Variants in UPF2 observed in about 807,000 individuals in gnomAD.
The protein encoded by UPF2 is regulator of nonsense transcripts 2.
Under a neutral mutation model 141.4 loss-of-function variants are expected in UPF2, and 17 were observed. The observed-to-expected ratio is 0.12, with a 90% CI of 0.08 to 0.18. The LOEUF (loss-of-function observed/expected upper bound fraction) is 0.18, where lower values mean the gene tolerates loss of function less well. Among genes scored for constraint, UPF2 ranks in the 10% least tolerant of loss-of-function variants. The pLI is 1.00. For synonymous variants in UPF2, 540 were observed against 498.0 expected (o/e 1.08, Z -1.12); for missense variants, 1,152 against 1,515.9 (o/e 0.76, Z 3.99).
chr10:12,038,106 G>A (rs1278148579), intron 1 of UPF2, among the ~76,000 whole-genome samples: 1 of 152,140 alleles, frequency 6.6e-6, no homozygotes, highest in Non-Finnish European at 1.5e-5. Flanking sequence ...TTAGGGGCTG[G>A]GTGCGGTGGC....
At chr10:11,985,579 C>CCACTGCACTCCAGCCTGGGCGA (rs1833675336) in intron 8 of UPF2, among the ~76,000 whole-genome samples, 2 of 149,998 alleles carry the variant, frequency 1.3e-5, no homozygotes, top group Non-Finnish European at 1.5e-5. Flanking sequence ...GGAGCTTGCG[C>CCACTGCACTCCAGCCTGGGCGA]CACTGCACTC....
rs145187944 is a variant in UPF2, at chr10:12,004,697, G to A, written c.1337C>T (p.Pro446Leu). ...CAAGTCATATTCTCCAGGTTTACCA[G>A]GTGTGAATATATCAATTCCAGGCCC... The part of the protein sequence containing the change: ...EHGPGIDIFT[P>L]GKPGEYDLEG... The change falls in exon 5 of 22, where the codon CCT becomes CTT. Residue 446 changes from proline (P) to leucine (L), a missense_variant. Physicochemically the swap from Pro to Leu is moderately conservative, Grantham distance 98. Transcript: ENST00000357604. 14 of 1,613,410 alleles carry A rather than the reference G, an allele frequency of 8.7e-6. No individual in the cohort carries two copies. Among genetic ancestry groups the A allele is most frequent in the African/African-American group, 5.3e-5 (4 of 74,894 alleles).
At position 11,966,626 on chromosome 10, in the gene UPF2, G is replaced by T. The variant is rs1237809706; in HGVS notation, c.2067+715C>A. Among the ~76,000 whole-genome samples the T allele has an allele frequency of 2.0e-5, 3 of 152,262 alleles. No homozygotes were observed. In the East Asian group the frequency reaches 5.8e-4, roughly 29 times the overall value. On this transcript the variant is annotated intron_variant, in intron 10 of 21. Coordinates refer to ENST00000357604, the MANE Select transcript of UPF2 (RefSeq NM_015542.4). ...TTTAGTAGAGACGGGGTTTCTCCAT[G>T]TTGGTCAGGCTGGTCTCGAACTCCC...
chr10:11,982,901 T>C (rs1186526347), intron 8 of UPF2, among the ~76,000 whole-genome samples: 1 of 152,202 alleles, frequency 6.6e-6, no homozygotes, highest in Non-Finnish European at 1.5e-5. Context: ...ATTACAGACA[T>C]GAGCCACTGT....
At chr10:11,958,614 A>G (rs940810522) in intron 12 of UPF2, among the ~76,000 whole-genome samples, 2 of 152,218 alleles carry the variant, frequency 1.3e-5, no homozygotes, top group African/African-American at 2.4e-5. Context: ...TTCACCAAGA[A>G]ATGTTTTGTT....
chr10:11,922,499 G>A (rs963622123), intron 21 of UPF2, among the ~76,000 whole-genome samples: 2 of 152,192 alleles, frequency 1.3e-5, no homozygotes, highest in African/African-American at 2.4e-5. Context: ...TCAAGAAAAG[G>A]CAGCTATCTA....
At chr10:11,986,158 A>G (rs1216868360) in intron 8 of UPF2, among the ~76,000 whole-genome samples, 1 of 152,098 alleles carries the variant, frequency 6.6e-6, no homozygotes, top group Admixed American at 6.6e-5. Context: ...TGCTGGGATT[A>G]CAGGCGTGAA....
At chr10:11,945,921 T>C (rs1832994766) in intron 16 of UPF2, among the ~76,000 whole-genome samples, 1 of 152,166 alleles carries the variant, frequency 6.6e-6, no homozygotes, top group Admixed American at 6.5e-5. Flanking sequence ...ATGAGTCAAC[T>C]TGAATTCTAT....
intron 8 of UPF2, among the ~76,000 whole-genome samples, chr10:11,984,718 TAAA>T (rs34157281): frequency 3.1e-5 from 4 of 130,516 alleles, no homozygotes; most frequent in Non-Finnish European, 3.3e-5. Context: ...CTTTGCTCTT[TAAA>T]AAAAAAAAAA....
intron 8 of UPF2, among the ~76,000 whole-genome samples, chr10:11,991,956 G>GCCAACATGATGAAACCCTGTCTC (rs562151505): frequency 0.056 from 8,448 of 152,086 alleles, 288 homozygotes; most frequent in Non-Finnish European, 0.08. Flanking sequence ...GACCAGCCTG[G>GCCAACATGATGAAACCCTGTCTC]CCAACATGAT....
rs1273463343 is a variant in UPF2, at chr10:11,970,638, C to G, written c.1954-3184G>C. Among the ~76,000 whole-genome samples, 3 of 152,112 alleles carry G rather than the reference C, an allele frequency of 2.0e-5. No homozygotes were observed. The East Asian group carries it at 5.8e-4, about 29-fold the overall frequency. ...ACCAGCCTGGCCAACACGGTGAAAC[C>G]CTGTCTCTACTAAAAATACAAAAAT... On this transcript the variant is annotated intron_variant, in intron 9 of 21. Coordinates refer to ENST00000357604, the MANE Select transcript of UPF2 (RefSeq NM_015542.4).
At chr10:11,928,388 G>T in intron 21 of UPF2, among the ~76,000 whole-genome samples, 1 of 152,036 alleles carries the variant, frequency 6.6e-6, no homozygotes, top group East Asian at 1.9e-4. Flanking sequence ...TCATGTCCCA[G>T]AAACACTTTA....
chr10:11,921,212 G>C lies in UPF2; in HGVS notation c.*86C>G. ...TCTCTAGACCGACCTGCTGAGATGT[G>C]TCCACTGCTCTCATTCAATTGCTGG... is the stretch of plus-strand genomic sequence containing the variant. On this transcript the variant is annotated 3_prime_UTR_variant, in exon 22 of 22. Coordinates refer to ENST00000357604, the MANE Select transcript of UPF2 (RefSeq NM_015542.4). The surrounding 1 kb of genome is among the most constrained non-coding windows in gnomAD (Gnocchi z 5.9). The C allele has an allele frequency of 6.4e-7, 1 of 1,572,070 alleles. No individual in the cohort carries two copies. Among genetic ancestry groups the C allele is most frequent in the Non-Finnish European group, 8.8e-7 (1 of 1,141,778 alleles).
chr10:11,959,661 G>A lies in UPF2; in HGVS notation c.2185-305C>T, dbSNP rs1042841604. On this transcript the variant is annotated intron_variant, in intron 11 of 21. Coordinates refer to ENST00000357604, the MANE Select transcript of UPF2 (RefSeq NM_015542.4). This position sits in a 1 kb window ranked among gnomAD's most constrained non-coding sequence, Gnocchi z 5.9. ...TGTAGTCCCAGCTACTTGGGAGGTT[G>A]AGGTGGGTGGACAGCTTGAGCCCAG... Among the ~76,000 whole-genome samples the A allele has an allele frequency of 6.6e-6, 1 of 152,148 alleles. No individual in the cohort carries two copies. Among genetic ancestry groups the A allele is most frequent in the African/African-American group, 2.4e-5 (1 of 41,438 alleles).
In UPF2 at chr10:11,938,868, T is replaced by TTTTTTTTTTTTTTTTTTTTTTTTTTTTG. The variant is rs1832897282; in HGVS notation, c.3379-2157_3379-2156insCAAAAAAAAAAAAAAAAAAAAAAAAAAA. Among the ~76,000 whole-genome samples, 37 of 90,846 alleles carry TTTTTTTTTTTTTTTTTTTTTTTTTTTTG rather than the reference T, an allele frequency of 4.1e-4. 1 individual carries two copies. Among genetic ancestry groups the TTTTTTTTTTTTTTTTTTTTTTTTTTTTG allele is most frequent in the Non-Finnish European group, 6.7e-4 (28 of 41,878 alleles). The allele number at this position is 90,846 out of a possible 152,430, so 59.6% of individuals were successfully genotyped here. ...TTTTTTTTTTGTTTTTTTTTTTTTT[T>TTTTTTTTTTTTTTTTTTTTTTTTTTTTG]TTTTTTTTTTTTTTGGAGACGGAGT... On this transcript the variant is annotated intron_variant, in intron 18 of 21. Transcript: ENST00000357604.
intron 21 of UPF2, among the ~76,000 whole-genome samples, chr10:11,929,458 G>A (rs1268081341): frequency 6.6e-6 from 1 of 152,072 alleles, no homozygotes; most frequent in Non-Finnish European, 1.5e-5. Flanking sequence ...ACAATATGGC[G>A]AGACTCTGTC....
At chr10:11,961,705 G>A (rs958683411) in intron 11 of UPF2, among the ~76,000 whole-genome samples, 2 of 152,150 alleles carry the variant, frequency 1.3e-5, no homozygotes, top group Non-Finnish European at 2.9e-5. Context: ...TGTCACATAC[G>A]TAGCACCTAA....
At chr10:11,938,241 C>T (rs1264832161) in intron 18 of UPF2, among the ~76,000 whole-genome samples, 13 of 152,072 alleles carry the variant, frequency 8.5e-5, no homozygotes, top group Non-Finnish European at 1.3e-4. Flanking sequence ...TTATCTTTCT[C>T]TTTGAGTATA....
At chr10:11,981,952 G>A (rs1473683534) in intron 8 of UPF2, among the ~76,000 whole-genome samples, 1 of 152,078 alleles carries the variant, frequency 6.6e-6, no homozygotes, top group Admixed American at 6.5e-5. Context: ...CAAAAGTGCT[G>A]GGATTACAGG....
Sources: allele counts gnomAD v4.1 joint callset (sites outside exome capture counted in the v4.1 genomes callset), GRCh38; gene constraint gnomAD v4.1.1; non-coding constraint Gnocchi (gnomAD v3.1); transcripts MANE v1.5; gene names NCBI Gene and HGNC (gene_info 2026-07-23, HGNC 2026-07-21).